Variants in TMEM117 observed in about 807,000 individuals in gnomAD.
TMEM117 encodes the protein transmembrane protein 117.
Under a neutral mutation model 52.4 loss-of-function variants are expected in TMEM117, and 27 were observed. That is an observed-to-expected ratio of 0.51 (90% confidence interval 0.38 to 0.71). The LOEUF (loss-of-function observed/expected upper bound fraction) is 0.71, where lower values mean the gene tolerates loss of function less well. Among genes scored for constraint, TMEM117 ranks in the 30% least tolerant of loss-of-function variants. The pLI, the probability that TMEM117 is intolerant of heterozygous loss-of-function variation, is 0.00. For missense variants in TMEM117, 556 were observed against 630.5 expected (o/e 0.88, Z 1.26); for synonymous variants, 215 against 206.3 (o/e 1.04, Z -0.36).
intron 3 of TMEM117, among the ~76,000 whole-genome samples, chr12:44,085,493 C>G (rs1398666341): frequency 1.3e-5 from 2 of 152,184 alleles, no homozygotes; most frequent in African/African-American, 4.8e-5. Context: ...TTTGCTATCA[C>G]TAAATTACCA....
At chr12:43,802,204 T>C in the TMEM117 span, 1 of 937,738 alleles carries the variant, frequency 1.1e-6, no homozygotes, top group Non-Finnish European at 1.5e-6. Context: ...AATTATTGTT[T>C]TTTAACCTTT....
At chr12:43,920,971 T>C (rs1944684108) in intron 2 of TMEM117, among the ~76,000 whole-genome samples, 1 of 152,200 alleles carries the variant, frequency 6.6e-6, no homozygotes, top group South Asian at 2.1e-4. Flanking sequence ...TGCATTGTGC[T>C]TTCCACTTCT....
At chr12:44,070,821 C>T (rs553811417) in intron 3 of TMEM117, among the ~76,000 whole-genome samples, 2 of 152,266 alleles carry the variant, frequency 1.3e-5, no homozygotes, top group East Asian at 1.9e-4. Context: ...AGAGAAGCCA[C>T]CTGGTCTCTG....
chr12:43,952,949 G>A (rs1945248080), intron 3 of TMEM117, among the ~76,000 whole-genome samples: 1 of 152,148 alleles, frequency 6.6e-6, no homozygotes, highest in African/African-American at 2.4e-5. Context: ...AGACCCCTAA[G>A]CAGAAACCCT....
intron 4 of TMEM117, among the ~76,000 whole-genome samples, chr12:44,198,154 T>G (rs780117525): frequency 2.6e-5 from 4 of 152,182 alleles, no homozygotes; most frequent in Non-Finnish European, 5.9e-5. Flanking sequence ...TTATCTCAGT[T>G]GGAAGTGATA....
At chr12:44,139,145 C>A (rs1238925206) in intron 3 of TMEM117, among the ~76,000 whole-genome samples, 5 of 152,124 alleles carry the variant, frequency 3.3e-5, no homozygotes, top group Non-Finnish European at 7.4e-5. Flanking sequence ...ATGAATCCAG[C>A]TGGCCACAGA....
intron 5 of TMEM117, among the ~76,000 whole-genome samples, chr12:44,226,477 T>C (rs1032253935): frequency 9.4e-5 from 14 of 148,802 alleles, no homozygotes; most frequent in South Asian, 2.2e-4. Flanking sequence ...TATATCCCAA[T>C]AAACTATAAA....
At chr12:43,855,111 T>C (rs1943377301) in intron 2 of TMEM117, among the ~76,000 whole-genome samples, 1 of 152,216 alleles carries the variant, frequency 6.6e-6, no homozygotes, top group South Asian at 2.1e-4. Context: ...ACAGACAGAC[T>C]CAAGTAAGTT....
chr12:43,962,033 C>T lies in TMEM117; in HGVS notation c.410+17691C>T, dbSNP rs146780082. Among the ~76,000 whole-genome samples the T allele has an allele frequency of 1.3e-3, 197 of 152,238 alleles. 1 individual carries two copies. The highest frequency in any genetic ancestry group is 4.6e-3 in the African/African-American group (189 of 41,538). ...AATTGATGAAAACAGTTAACAGAGT[C>T]CTATTAAGAAAATATTTTAATATTT... On this transcript the variant is annotated intron_variant, in intron 3 of 7. Transcript: ENST00000266534.
At chr12:43,985,883 T>C (rs1316757702) in intron 3 of TMEM117, among the ~76,000 whole-genome samples, 1 of 152,184 alleles carries the variant, frequency 6.6e-6, no homozygotes, top group African/African-American at 2.4e-5. Flanking sequence ...AGGACATACT[T>C]CAAGTTGAAA....
intron 2 of TMEM117, among the ~76,000 whole-genome samples, chr12:43,868,683 A>T (rs918449616): frequency 2.0e-5 from 3 of 152,068 alleles, no homozygotes; most frequent in Admixed American, 6.6e-5. Context: ...ATAAAAATGT[A>T]TGAGATGTGA....
chr12:44,040,240 A>G (rs111881313), intron 3 of TMEM117, among the ~76,000 whole-genome samples: 6 of 152,226 alleles, frequency 3.9e-5, no homozygotes, highest in African/African-American at 1.2e-4. Flanking sequence ...GCAAAATGTA[A>G]TAATAATTAT....
the TMEM117 span, among the ~76,000 whole-genome samples, chr12:43,829,959 G>A: frequency 4.6e-5 from 7 of 151,618 alleles, no homozygotes; most frequent in East Asian, 7.9e-4. Flanking sequence ...GTGGTGGTGC[G>A]TGCCGATAGT....
chr12:43,815,183 A>G, the TMEM117 span, among the ~76,000 whole-genome samples: 1 of 152,206 alleles, frequency 6.6e-6, no homozygotes, highest in African/African-American at 2.4e-5. Context: ...GGTTTTAAGG[A>G]CAAGTATATT....
chr12:43,810,953 T>C, the TMEM117 span, among the ~76,000 whole-genome samples: 2 of 152,352 alleles, frequency 1.3e-5, no homozygotes, highest in Admixed American at 1.3e-4. Context: ...AACAGTAATA[T>C]AATGGATCCC....
chr12:43,984,402 A>ACAACAACAG (rs1396140349), intron 3 of TMEM117, among the ~76,000 whole-genome samples: 2 of 151,258 alleles, frequency 1.3e-5, no homozygotes, highest in African/African-American at 4.9e-5. Flanking sequence ...AACAACAACA[A>ACAACAACAG]CAACAGCATA....
Position 43,934,507 on chromosome 12 carries a change from T to C in TMEM117, c.278-9703T>C, listed in dbSNP as rs116427871. On this transcript the variant is annotated intron_variant, in intron 2 of 7. Coordinates refer to ENST00000266534, the MANE Select transcript of TMEM117 (RefSeq NM_032256.3). ...AACATTTATTTTAATATGCACACTT[T>C]TGAAATTGACATTAACTTTAGTTAA... Among the ~76,000 whole-genome samples, 865 of 152,340 alleles carry C rather than the reference T, an allele frequency of 5.7e-3. 10 individuals carry two copies. Among genetic ancestry groups the C allele is most frequent in the African/African-American group, 0.02 (835 of 41,596 alleles).
At chr12:44,076,725 G>T (rs1249878249) in intron 3 of TMEM117, among the ~76,000 whole-genome samples, 2 of 152,170 alleles carry the variant, frequency 1.3e-5, no homozygotes, top group Non-Finnish European at 2.9e-5. Context: ...AAACATAGTT[G>T]TCCCCTTAGT....
At chr12:43,973,679 C>T (rs950871471) in intron 3 of TMEM117, among the ~76,000 whole-genome samples, 1 of 152,228 alleles carries the variant, frequency 6.6e-6, no homozygotes, top group Admixed American at 6.5e-5. Context: ...TTCAGATTAT[C>T]ATATACTTAC....
Sources: allele counts gnomAD v4.1 joint callset (sites outside exome capture counted in the v4.1 genomes callset), GRCh38; gene constraint gnomAD v4.1.1; transcripts MANE v1.5; gene names NCBI Gene and HGNC (gene_info 2026-07-23, HGNC 2026-07-21).